ACYP2: variants seen among roughly 807,000 people sequenced by gnomAD.
The protein encoded by ACYP2 is acylphosphatase-2.
Under a neutral mutation model 11.2 loss-of-function variants are expected in ACYP2, and 12 were observed. The ratio of observed to expected loss-of-function variants is 1.08; its 90% CI spans 0.69 to 1.74. The LOEUF (loss-of-function observed/expected upper bound fraction) is 1.74. Among genes scored for constraint, ACYP2 ranks in the 40% most tolerant of loss-of-function variants. The pLI is 0.00. For missense variants in ACYP2, 134 were observed against 101.9 expected (o/e 1.31, Z -1.35); for synonymous variants, 43 against 32.2 (o/e 1.33, Z -1.13).
intron 6 of ACYP2, among the ~76,000 whole-genome samples, chr2:54,280,795 T>C (rs781642371): frequency 6.6e-6 from 1 of 152,134 alleles, no homozygotes; most frequent in Non-Finnish European, 1.5e-5. Flanking sequence ...GGAAGAGACA[T>C]TGAGTATATT....
chr2:54,213,290 G>A (rs928348128), intron 6 of ACYP2, among the ~76,000 whole-genome samples: 3 of 152,094 alleles, frequency 2.0e-5, no homozygotes, highest in Non-Finnish European at 4.4e-5. Context: ...TTGTGGCTGT[G>A]TAGTATTCCA....
intron 4 of ACYP2, among the ~76,000 whole-genome samples, chr2:54,096,056 A>ACCC (rs1298893463): frequency 1.5e-5 from 1 of 67,438 alleles, no homozygotes; most frequent in Non-Finnish European, 2.9e-5. Context: ...CGGGGGGCTG[A>ACCC]CCCCCACCTC....
At chr2:53,980,764 TC>T (rs1490747903) in intron 2 of ACYP2, among the ~76,000 whole-genome samples, 170 of 151,986 alleles carry the variant, frequency 1.1e-3, no homozygotes, top group African/African-American at 4.1e-3. Flanking sequence ...TTTTTTTTTT[TC>T]TTTTTAGATA....
intron 6 of ACYP2, among the ~76,000 whole-genome samples, chr2:54,189,908 A>G (rs1056276872): frequency 6.6e-6 from 1 of 152,176 alleles, no homozygotes; most frequent in Non-Finnish European, 1.5e-5. Context: ...AATGGGTGTG[A>G]GATGGTATCT....
chr2:54,186,862 A>G (rs143224816), intron 6 of ACYP2, among the ~76,000 whole-genome samples: 419 of 152,264 alleles, frequency 2.8e-3, no homozygotes, highest in African/African-American at 9.6e-3. Context: ...GTTCAGTCAT[A>G]GCATAGTAGT....
chr2:54,228,995 T>G (rs1373193651), intron 6 of ACYP2, among the ~76,000 whole-genome samples: 1 of 152,172 alleles, frequency 6.6e-6, no homozygotes, highest in Non-Finnish European at 1.5e-5. Context: ...TCTCCCCTAC[T>G]GAGGGCTGAA....
At chr2:54,001,453 G>A (rs922985879) in intron 2 of ACYP2, among the ~76,000 whole-genome samples, 1 of 152,152 alleles carries the variant, frequency 6.6e-6, no homozygotes, top group Non-Finnish European at 1.5e-5. Context: ...AAGTGCAGTG[G>A]TGTGATCTCA....
At chr2:54,298,517 A>AGTGTTTT (rs1689606010) in intron 6 of ACYP2, among the ~76,000 whole-genome samples, 1 of 152,230 alleles carries the variant, frequency 6.6e-6, no homozygotes, top group African/African-American at 2.4e-5. Context: ...AAAACCTTGG[A>AGTGTTTT]AACTAGAAAG....
At chr2:54,005,003 C>T (rs1181395759) in intron 2 of ACYP2, among the ~76,000 whole-genome samples, 2 of 150,682 alleles carry the variant, frequency 1.3e-5, no homozygotes, top group Non-Finnish European at 3.0e-5. Context: ...CAAGTATTTT[C>T]TCCAGTGTGT....
intron 2 of ACYP2, among the ~76,000 whole-genome samples, chr2:53,980,867 C>G (rs917420654): frequency 4.6e-5 from 7 of 152,244 alleles, no homozygotes; most frequent in Middle Eastern, 3.4e-3. Context: ...ATCCTCCCAC[C>G]TCAGCCTCCC....
chr2:54,184,793 T>C (rs843674), intron 6 of ACYP2, among the ~76,000 whole-genome samples: 3 of 151,750 alleles, frequency 2.0e-5, no homozygotes. Context: ...AAGAAAAGAC[T>C]CCATGTTATA....
intron 2 of ACYP2, among the ~76,000 whole-genome samples, chr2:54,023,600 T>A (rs1025955204): frequency 6.6e-6 from 1 of 152,214 alleles, no homozygotes; most frequent in African/African-American, 2.4e-5. Flanking sequence ...TTTGCATTTG[T>A]CTGTGACTAA....
chr2:54,264,951 A>G (rs552611783), intron 6 of ACYP2, among the ~76,000 whole-genome samples: 27 of 152,338 alleles, frequency 1.8e-4, no homozygotes, highest in African/African-American at 5.1e-4. Flanking sequence ...GGTATTTCCA[A>G]CTTACCTTCA....
chr2:54,168,145 C>G (rs757348135), intron 6 of ACYP2, among the ~76,000 whole-genome samples: 1 of 152,128 alleles, frequency 6.6e-6, no homozygotes, highest in Non-Finnish European at 1.5e-5. Flanking sequence ...TGTGTCCAGG[C>G]CAGGCACAGT....
At chr2:54,257,945 CCAAACCTTCAAGGAACA>C (rs1558649987) in intron 6 of ACYP2, among the ~76,000 whole-genome samples, 1 of 152,202 alleles carries the variant, frequency 6.6e-6, no homozygotes, top group Non-Finnish European at 1.5e-5. Context: ...GCGACTGCTA[CCAAACCTTCAAGGAACA>C]CATAATCCAT....
At chr2:54,059,380 G>T (rs928292369) in intron 4 of ACYP2, among the ~76,000 whole-genome samples, 10 of 151,878 alleles carry the variant, frequency 6.6e-5, no homozygotes, top group Admixed American at 6.6e-4. Context: ...AACCATGCCT[G>T]GCTAATTTTT....
intron 6 of ACYP2, among the ~76,000 whole-genome samples, chr2:54,280,751 T>G (rs1408444946): frequency 2.0e-5 from 3 of 152,216 alleles, no homozygotes; most frequent in African/African-American, 4.8e-5. Context: ...CTTGGAAGCC[T>G]GATTCAATGG....
chr2:54,070,853 C>T (rs184934635), intron 4 of ACYP2, among the ~76,000 whole-genome samples: 67 of 151,968 alleles, frequency 4.4e-4, no homozygotes, highest in Non-Finnish European at 9.3e-4. Flanking sequence ...CCTCCCACCT[C>T]AGCCTGCCTG....
chr2:54,293,112 A>T (rs899053188), intron 6 of ACYP2, among the ~76,000 whole-genome samples: 5 of 152,190 alleles, frequency 3.3e-5, no homozygotes, highest in African/African-American at 1.2e-4. Flanking sequence ...GGGAGGCAGT[A>T]TACTCCTCAT....
Sources: allele counts gnomAD v4.1 joint callset (sites outside exome capture counted in the v4.1 genomes callset), GRCh38; gene constraint gnomAD v4.1.1; transcripts MANE v1.5; gene names NCBI Gene and HGNC (gene_info 2026-07-23, HGNC 2026-07-21).